The following ADGRL3 variants were observed in gnomAD, a reference collection of about 807,000 sequenced individuals.
ADGRL3 encodes calcium-independent alpha-latrotoxin receptor 3.
A neutral mutation model predicts 153.5 loss-of-function variants in ADGRL3; 62 were observed. The observed-to-expected ratio is 0.40, with a 90% CI of 0.33 to 0.50. The LOEUF is 0.50. Among genes scored for constraint, ADGRL3 ranks in the 20% least tolerant of loss-of-function variants. The pLI is 0.47. For synonymous variants in ADGRL3, 710 were observed against 672.5 expected (o/e 1.06, Z -0.86); for missense variants, 1,641 against 1,859.4 (o/e 0.88, Z 2.16).
At chr4:61,224,721 A>G (rs1459821202) in intron 1 of ADGRL3, among the ~76,000 whole-genome samples, 2 of 152,320 alleles carry the variant, frequency 1.3e-5, no homozygotes, top group East Asian at 3.9e-4. Context: ...CTGGCTAACT[A>G]CATGCTACTC....
chr4:61,484,063 C>G (rs942571105), intron 2 of ADGRL3, among the ~76,000 whole-genome samples: 83 of 151,828 alleles, frequency 5.5e-4, no homozygotes, highest in African/African-American at 1.9e-3. Flanking sequence ...TACTTAGGTC[C>G]TATCACTTGG....
intron 1 of ADGRL3, among the ~76,000 whole-genome samples, chr4:61,327,227 G>C (rs1006664141): frequency 2.6e-5 from 4 of 151,682 alleles, no homozygotes; most frequent in Non-Finnish European, 4.4e-5. Flanking sequence ...TATTCTTAGA[G>C]CTTCCCTCTT....
chr4:61,607,182 A>G (rs532626193), intron 5 of ADGRL3, among the ~76,000 whole-genome samples: 1 of 152,202 alleles, frequency 6.6e-6, no homozygotes, highest in East Asian at 1.9e-4. Context: ...GGGGTGTGGA[A>G]AACACTCCCA....
chr4:61,977,817 A>G (rs2099053429), intron 17 of ADGRL3, among the ~76,000 whole-genome samples: 1 of 152,096 alleles, frequency 6.6e-6, no homozygotes, highest in Non-Finnish European at 1.5e-5. Context: ...TTTTAGATTC[A>G]TGGGGTACAT....
intron 8 of ADGRL3, among the ~76,000 whole-genome samples, chr4:61,743,894 C>T (rs142595272): frequency 2.0e-5 from 3 of 152,234 alleles, no homozygotes; most frequent in South Asian, 2.1e-4. Flanking sequence ...GTGTGCGAGC[C>T]GAAGCAGGGC....
chr4:61,242,072 T>C (rs1217028969), intron 1 of ADGRL3, among the ~76,000 whole-genome samples: 4 of 152,072 alleles, frequency 2.6e-5, no homozygotes, highest in African/African-American at 9.7e-5. Flanking sequence ...GTACCGTTTC[T>C]TCAGTTGTGG....
At chr4:61,396,582 C>G (rs2096871222) in intron 2 of ADGRL3, among the ~76,000 whole-genome samples, 1 of 151,890 alleles carries the variant, frequency 6.6e-6, no homozygotes, top group African/African-American at 2.4e-5. Flanking sequence ...ACTTTGACCT[C>G]TAACAACATA....
intron 9 of ADGRL3, among the ~76,000 whole-genome samples, chr4:61,830,521 C>T (rs1217381143): frequency 1.3e-5 from 2 of 152,188 alleles, no homozygotes; most frequent in East Asian, 1.9e-4. Flanking sequence ...AATCCTTAGA[C>T]TCTCAATTGA....
At chr4:61,277,668 G>C (rs994904004) in intron 1 of ADGRL3, among the ~76,000 whole-genome samples, 3 of 152,062 alleles carry the variant, frequency 2.0e-5, no homozygotes, top group Admixed American at 1.3e-4. Flanking sequence ...CAGCTGTGTT[G>C]TTCAGAACAA....
At chr4:61,841,882 G>C (rs889805460) in intron 9 of ADGRL3, among the ~76,000 whole-genome samples, 1 of 152,134 alleles carries the variant, frequency 6.6e-6, no homozygotes, top group African/African-American at 2.4e-5. Context: ...TAGGATGAAG[G>C]CATGAGAAAA....
chr4:61,704,730 C>G (rs948873690), intron 6 of ADGRL3, among the ~76,000 whole-genome samples: 1 of 152,204 alleles, frequency 6.6e-6, no homozygotes, highest in African/African-American at 2.4e-5. Context: ...TCCACCCTCT[C>G]AAATCCCGCC....
intron 5 of ADGRL3, among the ~76,000 whole-genome samples, chr4:61,647,210 A>G (rs1462455143): frequency 6.6e-6 from 1 of 152,112 alleles, no homozygotes; most frequent in Non-Finnish European, 1.5e-5. Flanking sequence ...CCGGTACCTC[A>G]GATGGAAATG....
chr4:61,223,536 T>C (rs1042754721), intron 1 of ADGRL3, among the ~76,000 whole-genome samples: 3 of 152,204 alleles, frequency 2.0e-5, no homozygotes, highest in African/African-American at 7.2e-5. Context: ...AGTGGTGGTG[T>C]GTGTCGGTCA....
intron 2 of ADGRL3, among the ~76,000 whole-genome samples, chr4:61,450,639 A>G (rs76369682): frequency 0.034 from 5,223 of 152,186 alleles, 115 homozygotes; most frequent in South Asian, 0.091. Flanking sequence ...GTTGCTTATT[A>G]TTGAAATATA....
intron 9 of ADGRL3, among the ~76,000 whole-genome samples, chr4:61,842,550 T>C (rs1209261579): frequency 6.6e-6 from 1 of 152,102 alleles, no homozygotes; most frequent in Admixed American, 6.5e-5. Flanking sequence ...CAAAGACAGC[T>C]GTGGACTGTG....
chr4:61,253,691 C>CCACACA (rs143396564), intron 1 of ADGRL3, among the ~76,000 whole-genome samples: 11,158 of 140,328 alleles, frequency 0.08, 409 homozygotes, highest in Non-Finnish European at 0.1. Context: ...ATGTTCAGTT[C>CCACACA]CACACACACA....
At chr4:62,002,341 T>A (rs1049286193) in intron 21 of ADGRL3, among the ~76,000 whole-genome samples, 9 of 150,310 alleles carry the variant, frequency 6.0e-5, no homozygotes, top group South Asian at 2.1e-4. Context: ...TTGCCTCAGA[T>A]CTTATCTCTG....
chr4:61,375,359 AT>A (rs528143566), intron 1 of ADGRL3, among the ~76,000 whole-genome samples: 1 of 152,106 alleles, frequency 6.6e-6, no homozygotes, highest in Non-Finnish European at 1.5e-5. Context: ...AAAGAAAAGG[AT>A]TTTTTCTTAA....
chr4:61,676,901 A>G lies in ADGRL3; in HGVS notation c.549A>G (p.Lys183=). ...CAGACCCGTGTCCAGGAACCTATAAATACCTTGAAGTGCAGTATGAATGTG... is the reference window on the plus strand; with the variant it reads ...CAGACCCGTGTCCAGGAACCTATAAGTACCTTGAAGTGCAGTATGAATGTG... ...VFPDPCPGTY[K]YLEVQYECVP... The change falls in exon 6 of 27, where the codon AAA becomes AAG. Residue 183 remains lysine, a synonymous_variant. Transcript: ENST00000683033. 1.9e-6 allele frequency: 3 copies of G among 1,611,892 alleles called. No homozygotes were observed. Among genetic ancestry groups the G allele is most frequent in the Non-Finnish European group, 2.5e-6 (3 of 1,178,386 alleles).
Sources: allele counts gnomAD v4.1 joint callset (sites outside exome capture counted in the v4.1 genomes callset), GRCh38; gene constraint gnomAD v4.1.1; transcripts MANE v1.5; gene names NCBI Gene and HGNC (gene_info 2026-07-23, HGNC 2026-07-21).